The following NKAIN3 variants were observed in gnomAD, a reference collection of about 807,000 sequenced individuals.
NKAIN3 encodes the protein sodium/potassium-transporting ATPase subunit beta-1-interacting protein 3.
Under a neutral mutation model 30.2 loss-of-function variants are expected in NKAIN3, and 25 were observed. That is an observed-to-expected ratio of 0.83 (90% confidence interval 0.60 to 1.16). NKAIN3 has a LOEUF of 1.16. Among genes scored for constraint, NKAIN3 ranks in the 50% most tolerant of loss-of-function variants. NKAIN3 has a pLI of 0.00. For synonymous variants in NKAIN3, 91 were observed against 89.6 expected (o/e 1.02, Z -0.09); for missense variants, 225 against 254.1 (o/e 0.89, Z 0.78).
intron 4 of NKAIN3, among the ~76,000 whole-genome samples, chr8:62,907,625 T>G (rs905031924): frequency 6.6e-6 from 1 of 152,102 alleles, no homozygotes; most frequent in Non-Finnish European, 1.5e-5. Flanking sequence ...TGCATCCCAG[T>G]TGTGGCTAAA....
chr8:62,782,057 C>T (rs1817369136), intron 4 of NKAIN3, among the ~76,000 whole-genome samples: 4 of 151,626 alleles, frequency 2.6e-5, no homozygotes, highest in Admixed American at 2.6e-4. Context: ...GTATTAATAT[C>T]CAGAATATAC....
chr8:62,348,092 C>T (rs1389688855), intron 1 of NKAIN3, among the ~76,000 whole-genome samples: 1 of 152,012 alleles, frequency 6.6e-6, no homozygotes, highest in African/African-American at 2.4e-5. Flanking sequence ...TGCCATCCAT[C>T]TGCAGCCTTG....
intron 4 of NKAIN3, among the ~76,000 whole-genome samples, chr8:62,776,267 T>C (rs1244849654): frequency 6.6e-6 from 1 of 152,138 alleles, no homozygotes; most frequent in Non-Finnish European, 1.5e-5. Context: ...TAATTTAGTC[T>C]ATTTACACTC....
chr8:62,758,371 T>G (rs1816528700), intron 4 of NKAIN3, among the ~76,000 whole-genome samples: 1 of 152,196 alleles, frequency 6.6e-6, no homozygotes, highest in Non-Finnish European at 1.5e-5. Context: ...AATTTCCTGG[T>G]TTTTATAATC....
intron 1 of NKAIN3, among the ~76,000 whole-genome samples, chr8:62,454,740 G>A (rs1489304656): frequency 6.6e-6 from 1 of 152,014 alleles, no homozygotes; most frequent in Non-Finnish European, 1.5e-5. Context: ...CTTTTCAATT[G>A]GTCCTTGTAT....
chr8:62,394,276 T>C (rs7819567), intron 1 of NKAIN3, among the ~76,000 whole-genome samples: 5,095 of 152,212 alleles, frequency 0.033, 323 homozygotes, highest in African/African-American at 0.12. Context: ...TGGTGCTGAA[T>C]CTTGTTAAAT....
At chr8:62,670,627 C>G (rs1246746153) in intron 3 of NKAIN3, among the ~76,000 whole-genome samples, 2 of 151,918 alleles carry the variant, frequency 1.3e-5, no homozygotes, top group Non-Finnish European at 2.9e-5. Flanking sequence ...GGCCTTTTCA[C>G]CATTGCATAT....
At chr8:62,323,785 A>G (rs1160317068) in intron 1 of NKAIN3, among the ~76,000 whole-genome samples, 2 of 152,206 alleles carry the variant, frequency 1.3e-5, no homozygotes, top group African/African-American at 4.8e-5. Context: ...CAAAGATATG[A>G]GTTATCAAGC....
chr8:62,817,972 T>C (rs1329695772), intron 4 of NKAIN3, among the ~76,000 whole-genome samples: 1 of 152,178 alleles, frequency 6.6e-6, no homozygotes, highest in African/African-American at 2.4e-5. Flanking sequence ...TAATATTTTA[T>C]TGCTGTATAT....
chr8:62,825,940 C>T (rs902733757), intron 4 of NKAIN3, among the ~76,000 whole-genome samples: 4 of 152,080 alleles, frequency 2.6e-5, no homozygotes, highest in Non-Finnish European at 4.4e-5. Flanking sequence ...GCAGCCATGC[C>T]GTGAAAACTG....
At chr8:62,346,782 A>G (rs1373074404) in intron 1 of NKAIN3, among the ~76,000 whole-genome samples, 1 of 152,152 alleles carries the variant, frequency 6.6e-6, no homozygotes, top group Non-Finnish European at 1.5e-5. Context: ...TATAAGAGTT[A>G]GATTGAATTT....
intron 4 of NKAIN3, among the ~76,000 whole-genome samples, chr8:62,794,787 G>A (rs564929513): frequency 6.6e-6 from 1 of 152,304 alleles, no homozygotes; most frequent in African/African-American, 2.4e-5. Context: ...TAGAAATGAG[G>A]AGTAGCTTCC....
chr8:62,389,785 C>T (rs193289104), intron 1 of NKAIN3, among the ~76,000 whole-genome samples: 90 of 152,198 alleles, frequency 5.9e-4, no homozygotes, highest in African/African-American at 2.1e-3. Flanking sequence ...AATTAAGTGT[C>T]CAGGCCTTGT....
At chr8:62,804,496 A>T (rs1818199474) in intron 4 of NKAIN3, among the ~76,000 whole-genome samples, 1 of 152,238 alleles carries the variant, frequency 6.6e-6, no homozygotes, top group Non-Finnish European at 1.5e-5. Context: ...CTGGTTCAAT[A>T]TACGCAAATC....
intron 4 of NKAIN3, among the ~76,000 whole-genome samples, chr8:62,837,019 T>C (rs981937526): frequency 1.3e-5 from 2 of 152,150 alleles, no homozygotes; most frequent in African/African-American, 4.8e-5. Context: ...CAGAGGAGAC[T>C]AGACTCAGTG....
At position 62,739,314 on chromosome 8, in the gene NKAIN3, A is replaced by C. The variant is rs951748005; in HGVS notation, c.274-7618A>C. On this transcript the variant is annotated intron_variant, in intron 3 of 6. Coordinates refer to ENST00000623646, the MANE Select transcript of NKAIN3 (RefSeq NM_001304533.3). ...CACAAATTAAAAAAAAGAATTATCTATTTGTAAACTGTGGATTTCTTTGGA... is the reference window on the plus strand; with the variant it reads ...CACAAATTAAAAAAAAGAATTATCTCTTTGTAAACTGTGGATTTCTTTGGA... Among the ~76,000 whole-genome samples, 4 of 152,286 alleles carry C rather than the reference A, an allele frequency of 2.6e-5. No homozygotes were observed. The East Asian group carries it at 7.7e-4, about 29-fold the overall frequency.
rs189219966 is a variant in NKAIN3, at chr8:62,780,880, G to C, written c.471+33751G>C. On this transcript the variant is annotated intron_variant, in intron 4 of 6. Transcript: ENST00000623646. ...GCTCATCTTCTAAGAACTGTAACAA[G>C]ACAAAGATGCCCATTTTCACCACTC... is the stretch of plus-strand genomic sequence containing the variant. Among the ~76,000 whole-genome samples, 6 of 152,070 alleles carry C rather than the reference G, an allele frequency of 3.9e-5. No individual in the cohort carries two copies. The East Asian group carries it at 9.7e-4, about 25-fold the overall frequency.
intron 1 of NKAIN3, among the ~76,000 whole-genome samples, chr8:62,445,317 T>G (rs1563402036): frequency 6.6e-6 from 1 of 152,050 alleles, no homozygotes; most frequent in Non-Finnish European, 1.5e-5. Flanking sequence ...ACGTGTCTTT[T>G]TTTTTTTTGG....
intron 5 of NKAIN3, among the ~76,000 whole-genome samples, chr8:62,948,517 A>G (rs532258354): frequency 1.3e-5 from 2 of 152,312 alleles, no homozygotes; most frequent in East Asian, 3.9e-4. Flanking sequence ...TAAAATAAAA[A>G]GAAATTTGAA....
Sources: allele counts gnomAD v4.1 joint callset (sites outside exome capture counted in the v4.1 genomes callset), GRCh38; gene constraint gnomAD v4.1.1; transcripts MANE v1.5; gene names NCBI Gene and HGNC (gene_info 2026-07-23, HGNC 2026-07-21).